The following TRHDE variants were observed in gnomAD, a reference collection of about 807,000 sequenced individuals.
The protein encoded by TRHDE is thyrotropin-releasing hormone-degrading ectoenzyme.
Under a neutral mutation model 125.7 loss-of-function variants are expected in TRHDE, and 72 were observed. That is an observed-to-expected ratio of 0.57 (90% CI 0.47 to 0.70). TRHDE has a LOEUF of 0.70. Among genes scored for constraint, TRHDE ranks in the 30% least tolerant of loss-of-function variants. The pLI is 0.00. For synonymous variants in TRHDE, 509 were observed against 509.1 expected (o/e 1.00, Z 0.00); for missense variants, 1,110 against 1,327.1 (o/e 0.84, Z 2.54).
intron 3 of TRHDE, among the ~76,000 whole-genome samples, chr12:72,393,960 C>T (rs1346863134): frequency 6.6e-6 from 1 of 152,088 alleles, no homozygotes; most frequent in Admixed American, 6.6e-5. Flanking sequence ...CACTGGGAGA[C>T]AATGAATGGA....
rs111844871 is a variant in TRHDE at position 72,190,028 on chromosome 12, C to G, written n.279+84276C>G. Among the ~76,000 whole-genome samples, 354 of 152,278 alleles carry G rather than the reference C, an allele frequency of 2.3e-3. 3 individuals are homozygous for G. The highest frequency in any genetic ancestry group is 7.9e-3 in the African/African-American group (329 of 41,558). Reference sequence around the variant, plus strand: ...AAAATAGTCTACCCTTGAGAAACTGCTCTTGGCTTGCTACTGGGGCCCACT... The same window carrying G: ...AAAATAGTCTACCCTTGAGAAACTGGTCTTGGCTTGCTACTGGGGCCCACT... On this transcript the variant is annotated intron_variant and non_coding_transcript_variant, in intron 2 of 4. Coordinates refer to the TRHDE transcript ENST00000548156.
At chr12:72,187,994 T>A (rs1311244387) in intron 2 of TRHDE, among the ~76,000 whole-genome samples, 1 of 152,234 alleles carries the variant, frequency 6.6e-6, no homozygotes, top group African/African-American at 2.4e-5. Context: ...AAATATGGGA[T>A]AATATAACCA....
intron 1 of TRHDE, among the ~76,000 whole-genome samples, chr12:72,284,553 A>G (rs936825978): frequency 6.6e-6 from 1 of 152,216 alleles, no homozygotes; most frequent in Non-Finnish European, 1.5e-5. Flanking sequence ...AAAAAATAGT[A>G]AGAAAAATAT....
At chr12:72,107,894 G>A (rs958333262) in intron 2 of TRHDE, among the ~76,000 whole-genome samples, 18 of 152,084 alleles carry the variant, frequency 1.2e-4, no homozygotes, top group African/African-American at 4.3e-4. Flanking sequence ...TGTTTCACAT[G>A]TTGGTTTAAA....
At chr12:72,351,571 C>A (rs1285665887) in intron 2 of TRHDE, among the ~76,000 whole-genome samples, 1 of 151,876 alleles carries the variant, frequency 6.6e-6, no homozygotes, top group African/African-American at 2.4e-5. Context: ...TTGATTTTGC[C>A]TCTTCAGTAT....
chr12:72,399,599 G>T (rs1458242867), intron 3 of TRHDE, among the ~76,000 whole-genome samples: 3 of 151,910 alleles, frequency 2.0e-5, no homozygotes, highest in African/African-American at 4.8e-5. Context: ...AAACACTATA[G>T]TTCTTGGCAA....
intron 2 of TRHDE, among the ~76,000 whole-genome samples, chr12:72,239,788 C>T (rs1878437774): frequency 6.6e-6 from 1 of 152,144 alleles, no homozygotes. Flanking sequence ...AACTGAGATA[C>T]TATCATAAGA....
intron 15 of TRHDE, among the ~76,000 whole-genome samples, chr12:72,630,216 A>C (rs1271890506): frequency 6.6e-6 from 1 of 151,662 alleles, no homozygotes; most frequent in Non-Finnish European, 1.5e-5. Context: ...TTTTATTTAG[A>C]AGTAGGATTG....
intron 12 of TRHDE, among the ~76,000 whole-genome samples, chr12:72,589,983 T>C (rs1871602592): frequency 6.6e-6 from 1 of 152,026 alleles, no homozygotes; most frequent in Admixed American, 6.6e-5. Flanking sequence ...AGATTGCTGA[T>C]TGAGATATTT....
At chr12:72,439,886 G>A (rs969916789) in intron 3 of TRHDE, among the ~76,000 whole-genome samples, 1 of 151,850 alleles carries the variant, frequency 6.6e-6, no homozygotes, top group African/African-American at 2.4e-5. Context: ...TATTGTGTTA[G>A]TTGTGGGTTT....
chr12:72,302,770 C>A (rs983460141), intron 2 of TRHDE, among the ~76,000 whole-genome samples: 2 of 152,108 alleles, frequency 1.3e-5, no homozygotes, highest in African/African-American at 4.8e-5. Flanking sequence ...GTATTTTGAG[C>A]CTTCTAACCA....
intron 2 of TRHDE, among the ~76,000 whole-genome samples, chr12:72,212,197 G>C (rs184338507): frequency 1.3e-5 from 2 of 151,964 alleles, no homozygotes; most frequent in Non-Finnish European, 2.9e-5. Context: ...CATTGGCTTA[G>C]AATTAATGTA....
chr12:72,170,288 G>A (rs955030649), intron 2 of TRHDE, among the ~76,000 whole-genome samples: 1 of 152,096 alleles, frequency 6.6e-6, no homozygotes, highest in Admixed American at 6.6e-5. Flanking sequence ...ATAGATACAT[G>A]GTTCTGGAAA....
At position 72,621,198 on chromosome 12, in the gene TRHDE, C is replaced by A. The variant is rs1436096837; in HGVS notation, c.2560C>A (p.Gln854Lys). 12 of 1,601,780 alleles carry A rather than the reference C, an allele frequency of 7.5e-6. No individual in the cohort carries two copies. Among genetic ancestry groups the A allele is most frequent in the South Asian group, 1.1e-5 (1 of 90,838 alleles). Residue 854 changes from glutamine (Q) to lysine (K), a missense_variant, in exon 14 of 19, where the codon CAA becomes AAA. Gln to Lys is a moderately conservative substitution (Grantham distance 53). Around this residue, in one of 5 missense-constraint regions of TRHDE, gnomAD observed 527 missense variants for 651.8 expected, o/e 0.81. Transcript: ENST00000261180. ...FNGSLVQASY[Q>K]HEELRREVIM... ...TGGATCTCTTGTTCAAGCATCCTACCAACATGAGTACTGTTTTATTTTCTT... is the reference window on the plus strand; with the variant it reads ...TGGATCTCTTGTTCAAGCATCCTACAAACATGAGTACTGTTTTATTTTCTT...
chr12:72,464,239 A>C (rs1876262326), intron 3 of TRHDE, among the ~76,000 whole-genome samples: 4 of 152,228 alleles, frequency 2.6e-5, no homozygotes, highest in Non-Finnish European at 5.9e-5. Context: ...GAAAACACTC[A>C]AAGAAAATAA....
At chr12:72,118,230 C>T (rs1325622946) in intron 2 of TRHDE, among the ~76,000 whole-genome samples, 1 of 151,810 alleles carries the variant, frequency 6.6e-6, no homozygotes, top group Non-Finnish European at 1.5e-5. Flanking sequence ...TCCTTCTATA[C>T]CCAGTTTTAT....
chr12:72,270,044 A>C (rs11179138), upstream of TRHDE, among the ~76,000 whole-genome samples: 422 of 152,300 alleles, frequency 2.8e-3, 1 homozygote, highest in Non-Finnish European at 4.8e-3. Flanking sequence ...TTAAAACCCT[A>C]AAGTCAGAGA....
chr12:72,342,523 T>C (rs1870128434), intron 2 of TRHDE, among the ~76,000 whole-genome samples: 1 of 152,134 alleles, frequency 6.6e-6, no homozygotes, highest in African/African-American at 2.4e-5. Flanking sequence ...ATATGGTTAG[T>C]ATAGGCGATT....
At chr12:72,447,182 C>A (rs1315341467) in intron 3 of TRHDE, among the ~76,000 whole-genome samples, 1 of 152,096 alleles carries the variant, frequency 6.6e-6, no homozygotes, top group African/African-American at 2.4e-5. Flanking sequence ...GACCACAGTG[C>A]AATCAAACTA....
Sources: allele counts gnomAD v4.1 joint callset (sites outside exome capture counted in the v4.1 genomes callset), GRCh38; gene constraint gnomAD v4.1.1; regional missense constraint gnomAD v4.1.1; transcripts MANE v1.5; gene names NCBI Gene and HGNC (gene_info 2026-07-23, HGNC 2026-07-21).